GABBR2: variants seen among roughly 807,000 people sequenced by gnomAD.
The protein encoded by GABBR2 is gamma-aminobutyric acid type B receptor subunit 2, also known as G-protein coupled receptor 51.
In GABBR2, 23 loss-of-function variants were observed where a neutral mutation model predicts 105.6. The ratio of observed to expected loss-of-function variants is 0.22; its 90% CI spans 0.16 to 0.31. The LOEUF (loss-of-function observed/expected upper bound fraction) is 0.31, where lower values mean the gene tolerates loss of function less well. Among genes scored for constraint, GABBR2 ranks in the 10% least tolerant of loss-of-function variants. The pLI is 1.00. For synonymous variants in GABBR2, 478 were observed against 499.7 expected, an observed-to-expected ratio of 0.96 and a Z score of 0.58; for missense variants, 734 against 1,245.5, an observed-to-expected ratio of 0.59 and a Z score of 6.18.
intron 11 of GABBR2, among the ~76,000 whole-genome samples, chr9:98,380,172 C>T (rs917534460): frequency 2.6e-5 from 4 of 152,178 alleles, no homozygotes; most frequent in Admixed American, 6.5e-5. Context: ...TGGTTGTGAA[C>T]GAAAGGCTGC....
chr9:98,514,884 C>T (rs55940107), intron 3 of GABBR2, among the ~76,000 whole-genome samples: 20,956 of 152,114 alleles, frequency 0.14, 1,757 homozygotes, highest in Middle Eastern at 0.19. Flanking sequence ...GGATGGCAGG[C>T]GGCCACATGG....
intron 1 of GABBR2, among the ~76,000 whole-genome samples, chr9:98,694,705 C>A (rs1830726413): frequency 6.6e-6 from 1 of 152,232 alleles, no homozygotes; most frequent in Non-Finnish European, 1.5e-5. Flanking sequence ...TTTACAGCTT[C>A]TTAAAGCCCT....
intron 1 of GABBR2, among the ~76,000 whole-genome samples, chr9:98,642,490 G>T (rs886747051): frequency 5.9e-5 from 9 of 152,344 alleles, no homozygotes; most frequent in African/African-American, 2.2e-4. Context: ...CTGCAATGGA[G>T]TCAAGTGCAA....
chr9:98,625,306 C>T (rs1018944951), intron 1 of GABBR2, among the ~76,000 whole-genome samples: 3 of 152,222 alleles, frequency 2.0e-5, no homozygotes, highest in South Asian at 2.1e-4. Context: ...CACTGATGCC[C>T]GGCTCAGGGC....
At position 98,382,645 on chromosome 9, in the gene GABBR2, C is replaced by T. The variant is rs16915442; in HGVS notation, c.1662+2995G>A. Among the ~76,000 whole-genome samples, 2,229 of 152,222 alleles carry T rather than the reference C, an allele frequency of 0.015. 78 individuals are homozygous for T. In the East Asian group the frequency reaches 0.15, roughly 10 times the overall value. ...ACCATTTCCATTACTGTAATCATCA[C>T]TGTGTCCTAAAACTTGGGGAGGAAG... On this transcript the variant is annotated intron_variant, in intron 11 of 18. Transcript: ENST00000259455.
chr9:98,685,558 G>A lies in GABBR2; in HGVS notation c.321+22859C>T, dbSNP rs1830610083. 2.0e-5 allele frequency among the ~76,000 whole-genome samples: 3 copies of A among 152,196 alleles called. No individual in the cohort carries two copies. The South Asian group carries it at 6.2e-4, about 32-fold the overall frequency. ...GTGCACACCTTCTGATTTAAATTATGAATTATTTCTTTCAGATGTCTATCT... is the reference window on the plus strand; with the variant it reads ...GTGCACACCTTCTGATTTAAATTATAAATTATTTCTTTCAGATGTCTATCT... On this transcript the variant is annotated intron_variant, in intron 1 of 18. Coordinates refer to ENST00000259455, the MANE Select transcript of GABBR2 (RefSeq NM_005458.8).
chr9:98,501,126 C>CG (rs1491142621), intron 3 of GABBR2, among the ~76,000 whole-genome samples: 1 of 16,716 alleles, frequency 6.0e-5, no homozygotes, highest in East Asian at 6.1e-3. Context: ...GGAACCACTG[C>CG]CCCCCCCCCT....
intron 5 of GABBR2, among the ~76,000 whole-genome samples, chr9:98,474,054 TC>T (rs1462622966): frequency 6.6e-6 from 1 of 152,186 alleles, no homozygotes; most frequent in Non-Finnish European, 1.5e-5. Flanking sequence ...TAAATTCAGA[TC>T]CTAAAAAAAT....
chr9:98,603,374 T>C (rs1267291049), intron 1 of GABBR2, among the ~76,000 whole-genome samples: 1 of 152,230 alleles, frequency 6.6e-6, no homozygotes, highest in Non-Finnish European at 1.5e-5. Context: ...TCATTCATGC[T>C]AGAGAGAGGA....
At chr9:98,689,611 G>A (rs1231151021) in intron 1 of GABBR2, among the ~76,000 whole-genome samples, 2 of 152,174 alleles carry the variant, frequency 1.3e-5, no homozygotes, top group Non-Finnish European at 2.9e-5. Context: ...CTGGACTGCA[G>A]AAAGCAGCTT....
At chr9:98,463,824 C>T (rs1208485405) in intron 6 of GABBR2, among the ~76,000 whole-genome samples, 6 of 152,154 alleles carry the variant, frequency 3.9e-5, no homozygotes, top group African/African-American at 9.7e-5. Context: ...TTGGTGGAGA[C>T]GGGGTTTCGC....
intron 3 of GABBR2, among the ~76,000 whole-genome samples, chr9:98,530,808 C>T (rs901890673): frequency 6.6e-6 from 1 of 152,036 alleles, no homozygotes; most frequent in African/African-American, 2.4e-5. Context: ...GAGACCACAC[C>T]ATGCTGAATA....
chr9:98,371,352 GT>G (rs2131462184), intron 12 of GABBR2, 111 bp downstream of exon 12: 1 of 664,830 alleles, frequency 1.5e-6, no homozygotes, highest in South Asian at 1.8e-5. Flanking sequence ...TAGGGATTGT[GT>G]TTAGCTTGGA....
intron 13 of GABBR2, among the ~76,000 whole-genome samples, chr9:98,334,096 A>G (rs913355215): frequency 3.3e-5 from 5 of 152,232 alleles, no homozygotes; most frequent in Non-Finnish European, 5.9e-5. Flanking sequence ...TTGAAATCCT[A>G]GAAGAAGGCT....
At chr9:98,481,573 T>A (rs1269909843) in intron 4 of GABBR2, among the ~76,000 whole-genome samples, 1 of 152,152 alleles carries the variant, frequency 6.6e-6, no homozygotes, top group African/African-American at 2.4e-5. Flanking sequence ...TCAGACTTGC[T>A]TTGAGCTTTG....
intron 3 of GABBR2, among the ~76,000 whole-genome samples, chr9:98,537,777 A>G (rs1483001209): frequency 1.3e-5 from 2 of 152,232 alleles, no homozygotes; most frequent in African/African-American, 4.8e-5. Flanking sequence ...CTGTACATTA[A>G]CAACGGATGA....
chr9:98,699,145 T>C (rs762437260), intron 1 of GABBR2, among the ~76,000 whole-genome samples: 3 of 152,120 alleles, frequency 2.0e-5, no homozygotes, highest in Non-Finnish European at 2.9e-5. Context: ...TATCAGAACA[T>C]GTTTCCTAAG....
At chr9:98,300,788 A>AG (rs1830456885) in intron 16 of GABBR2, among the ~76,000 whole-genome samples, 1 of 152,008 alleles carries the variant, frequency 6.6e-6, no homozygotes, top group African/African-American at 2.4e-5. Context: ...CACAGAGAGA[A>AG]AGTCTTGCCC....
intron 3 of GABBR2, among the ~76,000 whole-genome samples, chr9:98,506,526 C>T (rs1294367160): frequency 6.6e-6 from 1 of 152,190 alleles, no homozygotes; most frequent in East Asian, 1.9e-4. Context: ...GGGCTGCATG[C>T]TGAGGCTGAA....
Sources: gnomAD v4.1 joint callset for allele counts (sites outside exome capture counted in the v4.1 genomes callset) on GRCh38, gnomAD v4.1.1 for gene constraint, MANE v1.5 for transcripts, NCBI Gene and HGNC (gene_info 2026-07-23, HGNC 2026-07-21) for gene names.